The following SAXO1 variants were observed in gnomAD, a reference collection of about 807,000 sequenced individuals.
The protein encoded by SAXO1 is 4930500O09Rik.
A neutral mutation model predicts 17.5 loss-of-function variants in SAXO1; 21 were observed. The observed-to-expected ratio is 1.20, with a 90% CI of 0.85 to 1.72. The LOEUF is 1.72. Among genes scored for constraint, SAXO1 ranks in the 40% most tolerant of loss-of-function variants. SAXO1 has a pLI of 0.00. For synonymous variants in SAXO1, 274 were observed against 216.5 expected, an observed-to-expected ratio of 1.27 and a Z score of -2.33; for missense variants, 843 against 596.0, an observed-to-expected ratio of 1.41 and a Z score of -4.32.
At chr9:18,948,769 C>A (rs541365486) in intron 2 of SAXO1, among the ~76,000 whole-genome samples, 1 of 152,274 alleles carries the variant, frequency 6.6e-6, no homozygotes, top group African/African-American at 2.4e-5. Flanking sequence ...CTGCAACAAC[C>A]AACCTTCAAA....
At chr9:19,026,846 T>C in intron 1 of SAXO1, 2 of 612,478 alleles carry the variant, frequency 3.3e-6, no homozygotes, top group South Asian at 1.5e-5. Flanking sequence ...CTGGCCAACA[T>C]GGTGAAACCC....
At chr9:18,954,847 A>G (rs145803038) in intron 1 of SAXO1, among the ~76,000 whole-genome samples, 1 of 152,212 alleles carries the variant, frequency 6.6e-6, no homozygotes, top group Non-Finnish European at 1.5e-5. Flanking sequence ...AGGCAATCCT[A>G]GAATGGATAA....
chr9:19,001,624 G>A (rs1237311252), intron 1 of SAXO1, among the ~76,000 whole-genome samples: 4 of 149,852 alleles, frequency 2.7e-5, no homozygotes, highest in African/African-American at 7.4e-5. Context: ...CCGAGATCGC[G>A]CATTGCACTC....
At chr9:19,046,383 G>T (rs1225372132) in intron 1 of SAXO1, among the ~76,000 whole-genome samples, 1 of 152,028 alleles carries the variant, frequency 6.6e-6, no homozygotes. Flanking sequence ...AATAAGAAAG[G>T]GTTACCAAAA....
chr9:19,003,527 T>A (rs1834365441), intron 1 of SAXO1, among the ~76,000 whole-genome samples: 1 of 152,208 alleles, frequency 6.6e-6, no homozygotes, highest in Non-Finnish European at 1.5e-5. Context: ...AACAGCATGG[T>A]ACTTGTACCA....
At chr9:19,005,646 C>A (rs76585809) in intron 1 of SAXO1, among the ~76,000 whole-genome samples, 1 of 152,154 alleles carries the variant, frequency 6.6e-6, no homozygotes, top group East Asian at 1.9e-4. Context: ...GATCAAAGAC[C>A]TAAGCATAAG....
At chr9:19,015,010 C>T (rs1205166182) in intron 1 of SAXO1, among the ~76,000 whole-genome samples, 1 of 152,090 alleles carries the variant, frequency 6.6e-6, no homozygotes, top group African/African-American at 2.4e-5. Context: ...TAAGGCAAAT[C>T]AGAGCTAAAA....
chr9:18,995,471 T>C (rs1833963737), intron 1 of SAXO1, among the ~76,000 whole-genome samples: 1 of 152,208 alleles, frequency 6.6e-6, no homozygotes, highest in South Asian at 2.1e-4. Flanking sequence ...GAATTTGTGA[T>C]TCCAAGCCCT....
At chr9:18,968,999 G>C (rs1348667310) in intron 1 of SAXO1, among the ~76,000 whole-genome samples, 1 of 149,834 alleles carries the variant, frequency 6.7e-6, no homozygotes, top group African/African-American at 2.5e-5. Context: ...ACCCAGTGTG[G>C]CAAAACCCTG....
rs372204385 is a variant in SAXO1 at position 18,950,900 on chromosome 9, C to T, written c.76G>A (p.Asp26Asn). ...AGAAGACATGGTTTCTCTGTTTTAT[C>T]ATAAATCTTGGTAGGGAGATGTGGA... ...HCPHLPTKIY[D>N]KTEKPCLLSE... Residue 26 changes from aspartate (D) to asparagine (N), a missense_variant, in exon 2 of 4, where the codon GAT becomes AAT. By Grantham distance (23) the Asp-to-Asn change is conservative (BLOSUM62 1). Coordinates refer to ENST00000380534, the MANE Select transcript of SAXO1 (RefSeq NM_153707.4). The T allele has an allele frequency of 1.2e-6, 2 of 1,613,076 alleles. No homozygotes were observed. The highest frequency in any genetic ancestry group is 1.7e-6 in the Non-Finnish European group (2 of 1,179,692).
At chr9:18,943,684 C>G (rs537011486) in intron 2 of SAXO1, among the ~76,000 whole-genome samples, 1 of 152,132 alleles carries the variant, frequency 6.6e-6, no homozygotes. Context: ...ATTCCTAAAC[C>G]CTTATAAAAG....
intron 1 of SAXO1, among the ~76,000 whole-genome samples, chr9:18,997,130 C>A (rs1478607302): frequency 6.6e-6 from 1 of 152,186 alleles, no homozygotes; most frequent in Non-Finnish European, 1.5e-5. Context: ...TGAGCCAAAG[C>A]AGGGCAGGGC....
At chr9:18,992,704 T>A (rs1029569321) in intron 1 of SAXO1, among the ~76,000 whole-genome samples, 2 of 151,946 alleles carry the variant, frequency 1.3e-5, no homozygotes, top group African/African-American at 4.8e-5. Context: ...CGTTGGCACA[T>A]TGGAAGAAGA....
intron 1 of SAXO1, among the ~76,000 whole-genome samples, chr9:18,982,905 T>C (rs974089353): frequency 3.9e-5 from 6 of 152,220 alleles, no homozygotes; most frequent in African/African-American, 1.4e-4. Flanking sequence ...GTATTTATGC[T>C]ACAAGGTAAT....
intron 1 of SAXO1, among the ~76,000 whole-genome samples, chr9:18,957,009 C>T (rs1307225576): frequency 6.6e-6 from 1 of 152,174 alleles, no homozygotes; most frequent in Admixed American, 6.5e-5. Flanking sequence ...AAATCACAGC[C>T]GTACACAACA....
intron 3 of SAXO1, among the ~76,000 whole-genome samples, chr9:18,936,694 G>T (rs1466930067): frequency 1.3e-5 from 2 of 152,178 alleles, no homozygotes; most frequent in African/African-American, 4.8e-5. Flanking sequence ...CAGGGCCAGA[G>T]TGTCATGTGG....
At chr9:18,999,853 A>C (rs1177444607) in intron 1 of SAXO1, among the ~76,000 whole-genome samples, 3 of 113,628 alleles carry the variant, frequency 2.6e-5, no homozygotes, top group Admixed American at 8.9e-5. Flanking sequence ...CCCAGCCGCC[A>C]CAACATCTGG....
chr9:18,964,550 T>C (rs1164287103), intron 1 of SAXO1, among the ~76,000 whole-genome samples: 1 of 152,200 alleles, frequency 6.6e-6, no homozygotes, highest in Non-Finnish European at 1.5e-5. Flanking sequence ...ATTTTCTAGT[T>C]TATTTGCAAA....
intron 1 of SAXO1, among the ~76,000 whole-genome samples, chr9:19,044,871 A>AT (rs1050783544): frequency 2.6e-5 from 4 of 152,078 alleles, no homozygotes; most frequent in African/African-American, 7.2e-5. Flanking sequence ...TCAAAAAAAA[A>AT]CGAAAGCTGA....
Sources: allele counts gnomAD v4.1 joint callset (sites outside exome capture counted in the v4.1 genomes callset), GRCh38; gene constraint gnomAD v4.1.1; transcripts MANE v1.5; gene names NCBI Gene and HGNC (gene_info 2026-07-23, HGNC 2026-07-21).